The following EML4 variants were observed in gnomAD, a reference collection of about 807,000 sequenced individuals.
EML4 encodes the protein echinoderm microtubule-associated protein-like 4.
EML4 carries 72 observed loss-of-function variants against 129.0 expected under a neutral mutation model. That is an observed-to-expected ratio of 0.56 (90% confidence interval 0.46 to 0.68). The LOEUF is 0.68. EML4 is among the 30% of genes least tolerant of loss of function. The probability of loss-of-function intolerance (pLI) is 0.00; values close to 1 mark genes in which losing one functional copy is unlikely to be tolerated. For synonymous variants in EML4, 532 were observed against 405.0 expected (o/e 1.31, Z -3.77); for missense variants, 1,363 against 1,190.6 (o/e 1.14, Z -2.13).
chr2:42,332,138 GTTCTTGGAGAAGAAAGAGCAT>G lies in EML4; in HGVS notation c.*1937_*1957del, dbSNP rs1483004004. On this transcript the variant is annotated 3_prime_UTR_variant, in exon 23 of 23. Transcript: ENST00000318522. Reference sequence around the variant, plus strand: ...AGAAATATACTGACATGAACAGGCAGTTCTTGGAGAAGAAAGAGCATTTCTTTAAGTACCTGGGGAATACAG... The same window carrying G: ...AGAAATATACTGACATGAACAGGCAGTTCTTTAAGTACCTGGGGAATACAG... The G allele has an allele frequency of 4.5e-6, 1 of 221,746 alleles. No homozygotes were observed. Among genetic ancestry groups the G allele is most frequent in the Non-Finnish European group, 9.0e-6 (1 of 110,748 alleles). The allele number at this position is 221,746 out of a possible 1,614,324, so 13.7% of individuals were successfully genotyped here.
chr2:42,179,249 C>A (rs1169232126), intron 1 of EML4, among the ~76,000 whole-genome samples: 1 of 140,402 alleles, frequency 7.1e-6, no homozygotes, highest in East Asian at 2.0e-4. Context: ...TTTTTTAAAA[C>A]GTCGGGGAGC....
chr2:42,293,312 A>C (rs79866830), intron 11 of EML4, among the ~76,000 whole-genome samples: 1 of 151,844 alleles, frequency 6.6e-6, no homozygotes, highest in African/African-American at 2.4e-5. Context: ...TATGTTGCAC[A>C]GTTGATCTCT....
chr2:42,301,488 T>G, intron 14 of EML4, 96 bp downstream of exon 14: 1 of 947,886 alleles, frequency 1.1e-6, no homozygotes, highest in Non-Finnish European at 1.5e-6. Context: ...GCAAACTTAT[T>G]AAATTCTTAT....
intron 1 of EML4, among the ~76,000 whole-genome samples, chr2:42,189,182 A>G (rs1441902378): frequency 6.6e-6 from 1 of 152,166 alleles, no homozygotes; most frequent in African/African-American, 2.4e-5. Flanking sequence ...CCTTATTTTT[A>G]AAACAGTGAT....
chr2:42,326,337 A>G, intron 21 of EML4, 85 bp downstream of exon 21: 2 of 910,788 alleles, frequency 2.2e-6, no homozygotes, highest in East Asian at 2.7e-5. Context: ...TAAATGAAAA[A>G]TAGTCTGTGT....
At position 42,331,214 on chromosome 2, in the gene EML4, G is replaced by A. The variant is rs1670083259; in HGVS notation, c.*1007G>A. 4.5e-6 allele frequency: 1 copy of A among 219,964 alleles called. No homozygotes were observed. The highest frequency in any genetic ancestry group is 5.8e-5 in the Admixed American group (1 of 17,330). 13.6% of individuals were successfully genotyped at this position (219,964 alleles called of 1,614,324 possible). On this transcript the variant is annotated 3_prime_UTR_variant, in exon 23 of 23. Transcript: ENST00000318522. ...TTTATACAGATTATATGAGGGATAA[G>A]ATACTCATCAAATTGCAAATTCTTT...
At chr2:42,209,939 A>C (rs528398446) in intron 1 of EML4, among the ~76,000 whole-genome samples, 5 of 151,826 alleles carry the variant, frequency 3.3e-5, no homozygotes, top group South Asian at 2.1e-4. Flanking sequence ...CAAAACCAAA[A>C]AAACAAACAA....
At chr2:42,290,793 T>A (rs1308085117) in intron 11 of EML4, among the ~76,000 whole-genome samples, 1 of 152,110 alleles carries the variant, frequency 6.6e-6, no homozygotes, top group East Asian at 1.9e-4. Flanking sequence ...TTAAAAACCT[T>A]ACTGACAGAA....
At chr2:42,270,640 G>C (rs969949110) in intron 6 of EML4, among the ~76,000 whole-genome samples, 6 of 152,202 alleles carry the variant, frequency 3.9e-5, no homozygotes, top group Non-Finnish European at 2.9e-5. Flanking sequence ...GTGTCCTGCT[G>C]ACTCTGTATA....
chr2:42,320,437 C>G (rs1041815741), intron 19 of EML4, among the ~76,000 whole-genome samples: 10 of 152,028 alleles, frequency 6.6e-5, no homozygotes, highest in Admixed American at 2.6e-4. Flanking sequence ...GTTACTTAAC[C>G]TATCTATGCA....
At chr2:42,172,510 TGAA>T (rs1038607759) in intron 1 of EML4, among the ~76,000 whole-genome samples, 3 of 152,198 alleles carry the variant, frequency 2.0e-5, no homozygotes, top group Non-Finnish European at 4.4e-5. Flanking sequence ...AAAAAACAAG[TGAA>T]GAATTCTTTT....
At chr2:42,244,102 T>TTTTG (rs1553374591) in intron 1 of EML4, among the ~76,000 whole-genome samples, 1 of 25,582 alleles carries the variant, frequency 3.9e-5, no homozygotes, top group Non-Finnish European at 8.4e-5. Flanking sequence ...TTGTTTTTTG[T>TTTTG]TTTTTTTTTT....
At chr2:42,247,023 G>T (rs1316914257) in intron 2 of EML4, among the ~76,000 whole-genome samples, 1 of 152,232 alleles carries the variant, frequency 6.6e-6, no homozygotes, top group Admixed American at 6.5e-5. Context: ...CTGAGTGGAA[G>T]ACGGTGGTAA....
intron 1 of EML4, among the ~76,000 whole-genome samples, chr2:42,191,732 T>A (rs1450557675): frequency 1.3e-5 from 2 of 152,252 alleles, no homozygotes; most frequent in Non-Finnish European, 2.9e-5. Flanking sequence ...GTTGCCACTT[T>A]ATGTTTTATC....
intron 19 of EML4, among the ~76,000 whole-genome samples, chr2:42,318,597 A>G (rs1317530363): frequency 1.3e-5 from 2 of 152,180 alleles, no homozygotes; most frequent in Non-Finnish European, 2.9e-5. Flanking sequence ...TATCAACTTA[A>G]TGTTTGTCTT....
intron 1 of EML4, among the ~76,000 whole-genome samples, chr2:42,210,110 T>A (rs929933694): frequency 1.3e-5 from 2 of 152,196 alleles, no homozygotes; most frequent in Non-Finnish European, 2.9e-5. Context: ...AATAACACAT[T>A]GTATTAACTA....
chr2:42,225,775 T>C (rs187109800), intron 1 of EML4, among the ~76,000 whole-genome samples: 1 of 152,106 alleles, frequency 6.6e-6, no homozygotes, highest in Non-Finnish European at 1.5e-5. Context: ...GATTGATGTG[T>C]TTTTTTATTG....
chr2:42,255,235 G>A (rs1345177831), intron 2 of EML4, among the ~76,000 whole-genome samples: 4 of 152,002 alleles, frequency 2.6e-5, no homozygotes, highest in South Asian at 2.1e-4. Context: ...ACAGGCGCTC[G>A]CCACCACGCC....
At chr2:42,307,375 G>C (rs1164297704) in intron 17 of EML4, among the ~76,000 whole-genome samples, 1 of 152,218 alleles carries the variant, frequency 6.6e-6, no homozygotes, top group Non-Finnish European at 1.5e-5. Context: ...TAACTAAATT[G>C]AAAGTGCTGG....
Sources: allele counts gnomAD v4.1 joint callset (sites outside exome capture counted in the v4.1 genomes callset), GRCh38; gene constraint gnomAD v4.1.1; transcripts MANE v1.5; gene names NCBI Gene and HGNC (gene_info 2026-07-23, HGNC 2026-07-21).